Variants in TENM2 observed in about 807,000 individuals in gnomAD.
TENM2 encodes the protein teneurin-2.
In TENM2, 52 loss-of-function variants were observed where a neutral mutation model predicts 245.2. That is an observed-to-expected ratio of 0.21 (90% confidence interval 0.17 to 0.27). TENM2 has a LOEUF of 0.27. TENM2 is among the 10% of genes least tolerant of loss of function. TENM2 has a pLI of 1.00. For missense variants in TENM2, 3,046 were observed against 3,666.8 expected, an observed-to-expected ratio of 0.83 and a Z score of 4.37; for synonymous variants, 1,363 against 1,438.9, an observed-to-expected ratio of 0.95 and a Z score of 1.19.
intron 2 of TENM2, among the ~76,000 whole-genome samples, chr5:167,562,587 A>G (rs1324440235): frequency 6.6e-6 from 1 of 152,146 alleles, no homozygotes; most frequent in Non-Finnish European, 1.5e-5. Flanking sequence ...TGTAAGATGG[A>G]CCTTTTCTCC....
At chr5:167,919,936 T>C (rs1216992203) in intron 3 of TENM2, among the ~76,000 whole-genome samples, 1 of 152,122 alleles carries the variant, frequency 6.6e-6, no homozygotes, top group Non-Finnish European at 1.5e-5. Flanking sequence ...ATCAAGACAT[T>C]CTTTTTTTTG....
At chr5:167,582,077 A>G (rs1305580244) in intron 2 of TENM2, among the ~76,000 whole-genome samples, 2 of 152,192 alleles carry the variant, frequency 1.3e-5, no homozygotes, top group African/African-American at 4.8e-5. Flanking sequence ...TCTTGTCCCA[A>G]CTAAACATAA....
chr5:167,581,206 A>T (rs1401372504), intron 2 of TENM2, among the ~76,000 whole-genome samples: 1 of 152,208 alleles, frequency 6.6e-6, no homozygotes, highest in African/African-American at 2.4e-5. Context: ...ACAAATTCAC[A>T]AGCTGTTTCT....
chr5:167,800,377 G>T (rs1471029568), intron 2 of TENM2, among the ~76,000 whole-genome samples: 2 of 152,180 alleles, frequency 1.3e-5, no homozygotes, highest in African/African-American at 2.4e-5. Flanking sequence ...AAAACGAATG[G>T]AAGTCTGTCG....
chr5:168,124,099 T>G (rs911146154), intron 10 of TENM2, among the ~76,000 whole-genome samples: 3 of 152,244 alleles, frequency 2.0e-5, no homozygotes, highest in African/African-American at 7.2e-5. Flanking sequence ...CCACAATGAC[T>G]GGACTCTGGC....
At chr5:167,080,288 C>A in the TENM2 span, among the ~76,000 whole-genome samples, 2 of 151,582 alleles carry the variant, frequency 1.3e-5, no homozygotes, top group African/African-American at 4.9e-5. Flanking sequence ...TTCTATTATC[C>A]TTTGTGTTGG....
the TENM2 span, among the ~76,000 whole-genome samples, chr5:167,131,139 T>C: frequency 1.3e-5 from 2 of 152,116 alleles, no homozygotes; most frequent in Non-Finnish European, 2.9e-5. Flanking sequence ...CAATATCTCA[T>C]CATGGTTAGG....
chr5:168,203,866 C>G lies in TENM2; in HGVS notation c.3574+34C>G, dbSNP rs564152739. On this transcript the variant is annotated intron_variant, in intron 18 of 28. Transcript: ENST00000518659. ...ACACATCTTCTTTCCCAAATACAGC[C>G]TTGCCACTTCTCTGGAACCTTGTCT... 2.6e-6 allele frequency: 4 copies of G among 1,562,580 alleles called. No homozygotes were observed. In the African/African-American group the frequency reaches 5.4e-5, roughly 21 times the overall value.
chr5:167,608,274 T>C (rs1241203089), intron 2 of TENM2, among the ~76,000 whole-genome samples: 1 of 152,216 alleles, frequency 6.6e-6, no homozygotes, highest in African/African-American at 2.4e-5. Context: ...TGCTCAGAGA[T>C]GCCAAGTGGC....
At chr5:167,975,757 G>T (rs1249723346) in intron 4 of TENM2, among the ~76,000 whole-genome samples, 2 of 151,810 alleles carry the variant, frequency 1.3e-5, no homozygotes, top group Non-Finnish European at 2.9e-5. Flanking sequence ...GTTTGCTCAT[G>T]CCTCAAAGAG....
chr5:167,330,245 G>T (rs1043076566), intron 1 of TENM2, among the ~76,000 whole-genome samples: 1 of 152,086 alleles, frequency 6.6e-6, no homozygotes, highest in Non-Finnish European at 1.5e-5. Flanking sequence ...GACCAGCCTT[G>T]TGTCCATCAA....
intron 2 of TENM2, among the ~76,000 whole-genome samples, chr5:167,756,000 A>C (rs1202361341): frequency 6.6e-6 from 1 of 152,168 alleles, no homozygotes; most frequent in African/African-American, 2.4e-5. Context: ...TCATTTTATT[A>C]GGACATCAGC....
rs376786510 is a variant in TENM2 at position 167,454,320 on chromosome 5, C to T, written c.502+78847C>T. Among the ~76,000 whole-genome samples, 50 of 152,282 alleles carry T rather than the reference C, an allele frequency of 3.3e-4. No individual in the cohort carries two copies. The South Asian group carries it at 9.5e-3, about 29-fold the overall frequency. On this transcript the variant is annotated intron_variant, in intron 2 of 28. Transcript: ENST00000518659. ...TGTTTACTGTTTAAAATGAGAAGAA[C>T]AGCAGCTCAAATGATCATAGGCATG...
the TENM2 span, among the ~76,000 whole-genome samples, chr5:167,107,043 G>A: frequency 3.4e-5 from 5 of 148,026 alleles, no homozygotes; most frequent in Admixed American, 1.4e-4. Context: ...TCAGGAGTTC[G>A]AGACCAGCCT....
intron 1 of TENM2, among the ~76,000 whole-genome samples, chr5:167,365,917 T>C (rs1760021015): frequency 6.6e-6 from 1 of 151,938 alleles, no homozygotes; most frequent in South Asian, 2.1e-4. Context: ...GAAATGCTTA[T>C]AATAATAAAG....
chr5:167,522,846 C>T (rs547389835), intron 2 of TENM2, among the ~76,000 whole-genome samples: 3 of 151,978 alleles, frequency 2.0e-5, no homozygotes, highest in South Asian at 4.1e-4. Flanking sequence ...GTGATTTCAC[C>T]TAGGCAGCTA....
chr5:167,522,345 A>G (rs975951887), intron 2 of TENM2, among the ~76,000 whole-genome samples: 3 of 152,116 alleles, frequency 2.0e-5, no homozygotes, highest in Non-Finnish European at 2.9e-5. Flanking sequence ...CCTTATTTCA[A>G]TCATCAAAGA....
At chr5:167,353,333 T>TGGGGGGGGGGGGGGGGGG (rs10635512) in intron 1 of TENM2, among the ~76,000 whole-genome samples, 1 of 135,664 alleles carries the variant, frequency 7.4e-6, no homozygotes, top group African/African-American at 2.9e-5. Flanking sequence ...AGGGGGGTGG[T>TGGGGGGGGGGGGGGGGGG]GGGGGTGCAG....
intron 5 of TENM2, among the ~76,000 whole-genome samples, chr5:167,994,690 C>T (rs755367506): frequency 2.6e-5 from 4 of 152,204 alleles, no homozygotes; most frequent in Non-Finnish European, 5.9e-5. Flanking sequence ...GGAAAGGTGC[C>T]GTGTTCATCT....
Sources: allele counts gnomAD v4.1 joint callset (sites outside exome capture counted in the v4.1 genomes callset), GRCh38; gene constraint gnomAD v4.1.1; transcripts MANE v1.5; gene names NCBI Gene and HGNC (gene_info 2026-07-23, HGNC 2026-07-21).